CSRNP3: variants seen among roughly 807,000 people sequenced by gnomAD.
CSRNP3 encodes cysteine/serine-rich nuclear protein 3.
In CSRNP3, 12 loss-of-function variants were observed where a neutral mutation model predicts 48.0. That is an observed-to-expected ratio of 0.25 (90% CI 0.16 to 0.41). The LOEUF is 0.41. CSRNP3 is among the 10% of genes least tolerant of loss of function. The pLI is 1.00. For synonymous variants in CSRNP3, 263 were observed against 269.7 expected (o/e 0.98, Z 0.24); for missense variants, 580 against 724.4 (o/e 0.80, Z 2.29).
At chr2:165,582,005 T>A (rs1327452101) in intron 3 of CSRNP3, among the ~76,000 whole-genome samples, 1 of 152,212 alleles carries the variant, frequency 6.6e-6, no homozygotes, top group Non-Finnish European at 1.5e-5. Flanking sequence ...TGTTTTATAA[T>A]CAAGTTTGAG....
chr2:165,495,778 G>T (rs779551721), intron 2 of CSRNP3, among the ~76,000 whole-genome samples: 11 of 151,980 alleles, frequency 7.2e-5, no homozygotes, highest in Non-Finnish European at 1.3e-4. Context: ...TATTCCACGA[G>T]TAAAGGTAAA....
chr2:165,496,684 T>G (rs895657642), intron 2 of CSRNP3, among the ~76,000 whole-genome samples: 12 of 152,016 alleles, frequency 7.9e-5, no homozygotes, highest in African/African-American at 2.9e-4. Flanking sequence ...TTTTTTTCCT[T>G]TAGCCGCTCC....
intron 3 of CSRNP3, among the ~76,000 whole-genome samples, chr2:165,534,836 A>G (rs1574826255): frequency 6.6e-6 from 1 of 151,918 alleles, no homozygotes; most frequent in South Asian, 2.1e-4. Flanking sequence ...AACTGATAAT[A>G]GAAGTTGTCC....
rs567482609 is a variant in CSRNP3 at position 165,678,643 on chromosome 2, G to A, written c.706-58G>A. On this transcript the variant is annotated intron_variant, in intron 6 of 6. Transcript: ENST00000651982. ...TTCAAAGAAGTTACTGAAAAGTTCT[G>A]GGCGTTTATTTGGTTTGTAATAGTT... is the stretch of plus-strand genomic sequence containing the variant. 1.9e-4 allele frequency: 290 copies of A among 1,547,554 alleles called. 3 individuals are homozygous for A. In the South Asian group the frequency reaches 3.4e-3, roughly 18 times the overall value.
At chr2:165,522,182 T>C (rs889334961) in intron 3 of CSRNP3, among the ~76,000 whole-genome samples, 1 of 151,970 alleles carries the variant, frequency 6.6e-6, no homozygotes, top group Admixed American at 6.6e-5. Flanking sequence ...GTCCCAGCTA[T>C]TCAAGTGGCT....
chr2:165,504,436 C>G (rs1305901281), intron 2 of CSRNP3, among the ~76,000 whole-genome samples: 1 of 152,004 alleles, frequency 6.6e-6, no homozygotes, highest in Non-Finnish European at 1.5e-5. Context: ...AGCTTATAAA[C>G]GCTGGCATTA....
chr2:165,526,753 T>C (rs1224899623), intron 3 of CSRNP3, among the ~76,000 whole-genome samples: 4 of 152,178 alleles, frequency 2.6e-5, no homozygotes, highest in Non-Finnish European at 5.9e-5. Context: ...ACACTCAATG[T>C]AGGCTATCAT....
intron 4 of CSRNP3, among the ~76,000 whole-genome samples, chr2:165,613,259 T>G (rs1349759779): frequency 6.6e-6 from 1 of 152,170 alleles, no homozygotes; most frequent in African/African-American, 2.4e-5. Flanking sequence ...TGACCATTTT[T>G]AATTGGATTG....
At chr2:165,482,341 G>T (rs968532985) in intron 1 of CSRNP3, among the ~76,000 whole-genome samples, 1 of 150,504 alleles carries the variant, frequency 6.6e-6, no homozygotes, top group Admixed American at 6.6e-5. Context: ...TTGAATCACC[G>T]CAACCTCCAC....
intron 2 of CSRNP3, among the ~76,000 whole-genome samples, chr2:165,512,049 G>A (rs561583954): frequency 1.3e-5 from 2 of 152,314 alleles, no homozygotes; most frequent in South Asian, 2.1e-4. Context: ...AAGTGAGGAA[G>A]TGTGAGCATT....
chr2:165,655,525 TTC>T (rs1467572160), intron 4 of CSRNP3, among the ~76,000 whole-genome samples: 7 of 152,206 alleles, frequency 4.6e-5, no homozygotes, highest in African/African-American at 1.7e-4. Context: ...AGAGGATTTC[TTC>T]TCAGTTCATT....
chr2:165,653,770 G>A (rs1397185770), intron 4 of CSRNP3, among the ~76,000 whole-genome samples: 2 of 151,758 alleles, frequency 1.3e-5, no homozygotes, highest in East Asian at 1.9e-4. Context: ...TCAGGAGTTC[G>A]AGAACAGCCT....
intron 3 of CSRNP3, among the ~76,000 whole-genome samples, chr2:165,520,141 G>T (rs1323467347): frequency 6.6e-6 from 1 of 152,092 alleles, no homozygotes; most frequent in Non-Finnish European, 1.5e-5. Flanking sequence ...AAAGGACATA[G>T]GTCTATCTAT....
chr2:165,578,531 T>C (rs934602582), intron 3 of CSRNP3, among the ~76,000 whole-genome samples: 12 of 152,224 alleles, frequency 7.9e-5, no homozygotes, highest in African/African-American at 2.9e-4. Context: ...ATGAACCTAG[T>C]ATCAAAAGAC....
At chr2:165,631,324 G>A (rs1686532179) in intron 4 of CSRNP3, among the ~76,000 whole-genome samples, 1 of 152,214 alleles carries the variant, frequency 6.6e-6, no homozygotes, top group Non-Finnish European at 1.5e-5. Context: ...TGATGTGCAG[G>A]CCATGAGTGT....
chr2:165,539,642 T>C (rs1043781796), intron 3 of CSRNP3, among the ~76,000 whole-genome samples: 6 of 152,060 alleles, frequency 3.9e-5, no homozygotes, highest in African/African-American at 1.4e-4. Context: ...TTTTAATTCA[T>C]TTTCCACTCC....
chr2:165,674,021 A>C (rs1224313672), intron 5 of CSRNP3, among the ~76,000 whole-genome samples: 2 of 151,962 alleles, frequency 1.3e-5, no homozygotes, highest in Admixed American at 6.6e-5. Flanking sequence ...ACTCCATCTC[A>C]AAAAAAATAA....
chr2:165,601,203 C>T lies in CSRNP3; in HGVS notation c.148+5990C>T, dbSNP rs147164368. On this transcript the variant is annotated intron_variant, in intron 4 of 6. Coordinates refer to ENST00000651982, the MANE Select transcript of CSRNP3 (RefSeq NM_001172173.2). ...TCCCTATGGCTCTATAGCCAATCAG[C>T]CTGTACTTGAGCACTGTCAAGAGGA... 8.1e-4 allele frequency among the ~76,000 whole-genome samples: 123 copies of T among 152,264 alleles called. No individual in the cohort carries two copies. In the East Asian group the frequency reaches 0.014, roughly 18 times the overall value.
At chr2:165,646,891 T>C (rs1004072703) in intron 4 of CSRNP3, among the ~76,000 whole-genome samples, 3 of 152,214 alleles carry the variant, frequency 2.0e-5, no homozygotes, top group African/African-American at 7.2e-5. Context: ...GAGATTTTAA[T>C]AACACTAGAG....
Sources: gnomAD v4.1 joint callset for allele counts (sites outside exome capture counted in the v4.1 genomes callset) on GRCh38, gnomAD v4.1.1 for gene constraint, MANE v1.5 for transcripts, NCBI Gene and HGNC (gene_info 2026-07-23, HGNC 2026-07-21) for gene names.